Variants in DDX59 observed in about 807,000 individuals in gnomAD.
DDX59 encodes DEAD-box helicase 59.
In DDX59, 30 loss-of-function variants were observed where a neutral mutation model predicts 51.9. The ratio of observed to expected loss-of-function variants is 0.58; its 90% confidence interval spans 0.43 to 0.78. The LOEUF is 0.78. Ranked by LOEUF, DDX59 falls within the 30% of genes least tolerant of loss-of-function variation. DDX59 has a pLI of 0.00. For synonymous variants in DDX59, 255 were observed against 253.3 expected (o/e 1.01, Z -0.06); for missense variants, 672 against 730.8 (o/e 0.92, Z 0.93).
intron 3 of DDX59, 32 bp downstream of exon 3, chr1:200,663,885 CTT>C: frequency 6.7e-7 from 1 of 1,488,152 alleles, no homozygotes; most frequent in Non-Finnish European, 8.9e-7. Context: ...GCTTACAAAA[CTT>C]TTCAAAGACA....
chr1:200,641,211 C>T (rs774709418), downstream of DDX59: 29 of 1,304,366 alleles, frequency 2.2e-5, no homozygotes, highest in South Asian at 8.6e-5. Context: ...ATAAGAGATG[C>T]GTTGATATTA....
At chr1:200,647,522 C>T (rs115219865) in intron 7 of DDX59, among the ~76,000 whole-genome samples, 85 of 149,982 alleles carry the variant, frequency 5.7e-4, no homozygotes, top group African/African-American at 1.6e-3. Flanking sequence ...AAAAACAAAC[C>T]AAAAATTTAC....
intron 4 of DDX59, among the ~76,000 whole-genome samples, 166 bp from the exon 5 acceptor site, chr1:200,650,842 A>T (rs951339700): frequency 2.0e-5 from 3 of 152,218 alleles, no homozygotes; most frequent in Non-Finnish European, 4.4e-5. Flanking sequence ...TAAATTATAA[A>T]CTGTGCAACT....
chr1:200,653,897 T>G (rs758588838), intron 4 of DDX59, among the ~76,000 whole-genome samples: 1 of 152,164 alleles, frequency 6.6e-6, no homozygotes, highest in Admixed American at 6.5e-5. Flanking sequence ...CCTCCCCTCG[T>G]TGCCACTGCC....
At chr1:200,645,599 A>C (rs761165768) in intron 7 of DDX59, among the ~76,000 whole-genome samples, 6 of 152,176 alleles carry the variant, frequency 3.9e-5, no homozygotes, top group African/African-American at 9.7e-5. Flanking sequence ...AATGGACACA[A>C]ATTTATGGAG....
At chr1:200,642,043 G>C (rs1163232522), downstream of DDX59, among the ~76,000 whole-genome samples, 2 of 151,922 alleles carry the variant, frequency 1.3e-5, no homozygotes, top group African/African-American at 4.8e-5. Context: ...AAATGTGCTT[G>C]GTATTAGAAA....
At chr1:200,649,445 A>T (rs1344566392) in intron 5 of DDX59, among the ~76,000 whole-genome samples, 1 of 151,842 alleles carries the variant, frequency 6.6e-6, no homozygotes, top group East Asian at 1.9e-4. Context: ...TGGCCAACAC[A>T]GTGAAACCCC....
At chr1:200,662,319 T>C (rs751465990) in intron 3 of DDX59, among the ~76,000 whole-genome samples, 1 of 152,210 alleles carries the variant, frequency 6.6e-6, no homozygotes, top group Non-Finnish European at 1.5e-5. Context: ...AGCAAGTTAC[T>C]TCCAGAAGGT....
intron 1 of DDX59, among the ~76,000 whole-genome samples, chr1:200,669,124 T>C (rs1365057355): frequency 6.6e-6 from 1 of 152,192 alleles, no homozygotes; most frequent in African/African-American, 2.4e-5. Context: ...ATTCTTTTCA[T>C]CAACCCATAT....
chr1:200,655,573 G>A (rs1306303564), intron 4 of DDX59, among the ~76,000 whole-genome samples: 2 of 152,076 alleles, frequency 1.3e-5, no homozygotes, highest in East Asian at 1.9e-4. Flanking sequence ...TTATTTCTCA[G>A]GAAGAATTCT....
At chr1:200,652,828 G>A (rs924519288) in intron 4 of DDX59, among the ~76,000 whole-genome samples, 2 of 151,882 alleles carry the variant, frequency 1.3e-5, no homozygotes, top group African/African-American at 2.4e-5. Flanking sequence ...CCACAGGCAT[G>A]TGCCACCGTG....
intron 4 of DDX59, among the ~76,000 whole-genome samples, chr1:200,655,357 G>C (rs12136672): frequency 0.9 from 137,515 of 152,216 alleles, 62,296 homozygotes; most frequent in Middle Eastern, 0.97. Flanking sequence ...TGCCTCCACC[G>C]TGTGACCCCT....
intron 3 of DDX59, among the ~76,000 whole-genome samples, chr1:200,663,393 G>C (rs1371516988): frequency 2.0e-5 from 3 of 152,166 alleles, no homozygotes; most frequent in Non-Finnish European, 4.4e-5. Context: ...CCACAGAAGT[G>C]AAGTAACTTA....
At chr1:200,664,771 G>A (rs1437167515) in intron 2 of DDX59, among the ~76,000 whole-genome samples, 1 of 151,994 alleles carries the variant, frequency 6.6e-6, no homozygotes, top group Non-Finnish European at 1.5e-5. Flanking sequence ...CGCCTCCTGG[G>A]TTCAAGTGAT....
chr1:200,644,648 C>CACTTTGGGAGCTGAGGCA, intron 7 of DDX59, 131 bp from the exon 8 acceptor site: 1 of 1,130,722 alleles, frequency 8.8e-7, no homozygotes, highest in South Asian at 2.1e-5. Flanking sequence ...GTAACCCCAG[C>CACTTTGGGAGCTGAGGCA]ACTTTGGGAG....
downstream of DDX59, chr1:200,641,057 CAA>C (rs1325607877): frequency 1.4e-5 from 10 of 719,322 alleles, no homozygotes; most frequent in Admixed American, 7.9e-5. Flanking sequence ...TTGGCGGCAA[CAA>C]AAGAGTCCTA....
chr1:200,645,716 C>T (rs1385607838), intron 7 of DDX59, among the ~76,000 whole-genome samples: 2 of 152,102 alleles, frequency 1.3e-5, no homozygotes, highest in Non-Finnish European at 2.9e-5. Flanking sequence ...ATTTCTGCTC[C>T]TTAACTGAAA....
chr1:200,644,418 G>A lies in DDX59; in HGVS notation c.1696C>T (p.Pro566Ser), dbSNP rs777052633. The change falls in exon 8 of 8, where the codon CCC (proline) becomes TCC (serine). Residue 566 changes from proline (P) to serine (S), a missense_variant. Pro to Ser is a moderately conservative substitution (Grantham distance 74). Coordinates refer to ENST00000331314, the MANE Select transcript of DDX59 (RefSeq NM_001031725.6). ...LFWDIAKRVK[P>S]TGSILPPQLL... ...TGAGGGGGAAGAATGGATCCTGTGG[G>A]CTTTACTCGTTTTGCAATATCCCAG... 2.5e-6 allele frequency: 4 copies of A among 1,613,600 alleles called. No homozygotes were observed. Among genetic ancestry groups the A allele is most frequent in the Non-Finnish European group, 1.7e-6 (2 of 1,179,878 alleles).
At chr1:200,642,574 A>T (rs1443198428), downstream of DDX59, among the ~76,000 whole-genome samples, 1 of 152,238 alleles carries the variant, frequency 6.6e-6, no homozygotes, top group African/African-American at 2.4e-5. Flanking sequence ...AAGAGCAGAC[A>T]TGTGAGACAA....
Sources: allele counts gnomAD v4.1 joint callset (sites outside exome capture counted in the v4.1 genomes callset), GRCh38; gene constraint gnomAD v4.1.1; transcripts MANE v1.5; gene names NCBI Gene and HGNC (gene_info 2026-07-23, HGNC 2026-07-21).